Variants in DCLK2 observed in about 807,000 individuals in gnomAD.
DCLK2 encodes the protein doublecortin like kinase 2, also known as serine/threonine-protein kinase DCLK2.
In DCLK2, 31 loss-of-function variants were observed where a neutral mutation model predicts 78.4. The observed-to-expected ratio is 0.40, with a 90% CI of 0.30 to 0.53. The LOEUF (loss-of-function observed/expected upper bound fraction) is 0.53, where lower values mean the gene tolerates loss of function less well. DCLK2 is among the 20% of genes least tolerant of loss of function. The pLI is 0.61. For missense variants in DCLK2, 872 were observed against 973.7 expected, an observed-to-expected ratio of 0.90 and a Z score of 1.39; for synonymous variants, 407 against 374.9, an observed-to-expected ratio of 1.09 and a Z score of -0.99.
chr4:150,218,337 T>G (rs1740904255), intron 5 of DCLK2, among the ~76,000 whole-genome samples: 1 of 152,130 alleles, frequency 6.6e-6, no homozygotes, highest in South Asian at 2.1e-4. Flanking sequence ...ATTACAATGG[T>G]TCACAGGAGC....
At chr4:150,081,610 A>G (rs1444001810) in intron 1 of DCLK2, among the ~76,000 whole-genome samples, 2 of 152,196 alleles carry the variant, frequency 1.3e-5, no homozygotes, top group African/African-American at 4.8e-5. Flanking sequence ...TTTTTTTGTC[A>G]TATGGAACTC....
chr4:150,134,566 T>C (rs909584480), intron 2 of DCLK2, among the ~76,000 whole-genome samples: 2 of 152,236 alleles, frequency 1.3e-5, no homozygotes, highest in Non-Finnish European at 2.9e-5. Flanking sequence ...TGTTAATCTT[T>C]TGGAGATTTT....
At chr4:150,113,602 A>G (rs1332408656) in intron 2 of DCLK2, among the ~76,000 whole-genome samples, 4 of 148,992 alleles carry the variant, frequency 2.7e-5, no homozygotes, top group Non-Finnish European at 4.5e-5. Flanking sequence ...TAATGTTTCT[A>G]TTTTCATTTC....
intron 1 of DCLK2, among the ~76,000 whole-genome samples, chr4:150,081,399 A>G (rs1308893345): frequency 1.3e-5 from 2 of 152,190 alleles, no homozygotes; most frequent in Admixed American, 6.5e-5. Flanking sequence ...TGACTTAACA[A>G]ATTTCCTTCA....
intron 2 of DCLK2, among the ~76,000 whole-genome samples, chr4:150,157,167 GTTT>G (rs34730849): frequency 0.29 from 39,454 of 137,158 alleles, 5,354 homozygotes; most frequent in East Asian, 0.36. Context: ...TTTCTCACCT[GTTT>G]TTTTTTTTTT....
In DCLK2 at chr4:150,256,405, C is replaced by A; in HGVS notation, c.*158C>A. 9.8e-7 allele frequency: 1 copy of A among 1,023,892 alleles called. No homozygotes were observed. The allele number at this position is 1,023,892 out of a possible 1,614,324, so 63.4% of individuals were successfully genotyped here. ...CGCCTGGGAACCGGAGCCTGGCGTG[C>A]CGGAGCCTGGCCTGGTGCTCTGGGC... is the stretch of plus-strand genomic sequence containing the variant. On this transcript the variant is annotated 3_prime_UTR_variant, in exon 16 of 16. Transcript: ENST00000296550.
chr4:150,176,313 C>T (rs1230096777), intron 2 of DCLK2, among the ~76,000 whole-genome samples: 16 of 152,186 alleles, frequency 1.1e-4, no homozygotes, highest in Non-Finnish European at 1.5e-4. Context: ...ACGGCACAGG[C>T]GCAGGCACAG....
At chr4:150,212,664 C>G (rs1467014442) in intron 5 of DCLK2, among the ~76,000 whole-genome samples, 1 of 152,196 alleles carries the variant, frequency 6.6e-6, no homozygotes, top group Non-Finnish European at 1.5e-5. Context: ...ATTGTAGTTG[C>G]TCAGTCAAAT....
At chr4:150,171,403 C>A (rs1008006797) in intron 2 of DCLK2, among the ~76,000 whole-genome samples, 1 of 152,184 alleles carries the variant, frequency 6.6e-6, no homozygotes, top group Non-Finnish European at 1.5e-5. Flanking sequence ...ATGGTGTGAA[C>A]CTGGGAGGCG....
At chr4:150,251,626 T>C (rs1166540867) in intron 15 of DCLK2, among the ~76,000 whole-genome samples, 13 of 10,106 alleles carry the variant, frequency 1.3e-3, no homozygotes, top group Non-Finnish European at 1.3e-3. Context: ...CCCACATACC[T>C]CCACACACCC....
intron 2 of DCLK2, among the ~76,000 whole-genome samples, chr4:150,144,919 T>C (rs960450910): frequency 1.3e-5 from 2 of 152,208 alleles, no homozygotes; most frequent in Admixed American, 6.5e-5. Context: ...ATGATGTTGA[T>C]AATTTGATAG....
Position 150,205,483 on chromosome 4 carries a change from G to A in DCLK2, c.1056+1594G>A, listed in dbSNP as rs114499212. 8.8e-3 allele frequency among the ~76,000 whole-genome samples: 1,343 copies of A among 152,296 alleles called. 15 individuals carry two copies. The highest frequency in any genetic ancestry group is 0.037 in the Middle Eastern group (11 of 294). Reference sequence around the variant, plus strand: ...GGGAGTATCTAGCTCTCACCTACCTGTAATTACTGCAAGTTCCTTATATTT... The same window carrying A: ...GGGAGTATCTAGCTCTCACCTACCTATAATTACTGCAAGTTCCTTATATTT... On this transcript the variant is annotated intron_variant, in intron 5 of 15. Transcript: ENST00000296550.
chr4:150,110,252 A>G (rs1482941856), intron 2 of DCLK2, among the ~76,000 whole-genome samples: 1 of 152,224 alleles, frequency 6.6e-6, no homozygotes, highest in African/African-American at 2.4e-5. Flanking sequence ...TAATGCATGC[A>G]GCATAAAGAT....
intron 2 of DCLK2, among the ~76,000 whole-genome samples, chr4:150,180,025 G>T (rs72732407): frequency 0.12 from 17,574 of 152,112 alleles, 1,610 homozygotes; most frequent in South Asian, 0.44. Flanking sequence ...GTAGAAAAAT[G>T]GTTTGATTAT....
intron 8 of DCLK2, among the ~76,000 whole-genome samples, chr4:150,231,568 A>G (rs1030183854): frequency 6.6e-6 from 1 of 152,208 alleles, no homozygotes; most frequent in Non-Finnish European, 1.5e-5. Context: ...ATCATTGTTC[A>G]TGATTCATGG....
intron 5 of DCLK2, among the ~76,000 whole-genome samples, chr4:150,218,803 TC>T (rs1461310914): frequency 6.6e-6 from 1 of 152,162 alleles, no homozygotes; most frequent in African/African-American, 2.4e-5. Context: ...ATTTTCCACC[TC>T]CCCTGTTACT....
Position 150,248,309 on chromosome 4 carries a change from TAATC to T in DCLK2, c.1882_1885del (p.Ile628ValfsTer6), listed in dbSNP as rs1311295228. On this transcript the variant is annotated frameshift_variant, in exon 14 of 16. Coordinates refer to ENST00000296550, the MANE Select transcript of DCLK2 (RefSeq NM_001040260.4). LOFTEE classifies it high-confidence loss of function. ...GACTTGTTTGTTTATTTGTAGGAAT[TAATC>T]AGTCAAATGCTTCAGGTAAATGTTG... is the stretch of plus-strand genomic sequence containing the variant. The T allele has an allele frequency of 6.2e-7, 1 of 1,613,834 alleles. No individual in the cohort carries two copies. The highest frequency in any genetic ancestry group is 8.5e-7 in the Non-Finnish European group (1 of 1,179,810).
chr4:150,196,160 T>C (rs1739015818), intron 3 of DCLK2, among the ~76,000 whole-genome samples: 1 of 152,180 alleles, frequency 6.6e-6, no homozygotes, highest in African/African-American at 2.4e-5. Context: ...TAAAGGCCCA[T>C]TCAGAATGCA....
chr4:150,148,797 G>A (rs540782687), intron 2 of DCLK2, among the ~76,000 whole-genome samples: 14 of 151,696 alleles, frequency 9.2e-5, no homozygotes, highest in Non-Finnish European at 2.1e-4. Context: ...GTTTCGGAGG[G>A]CAAGGCGGGC....
Sources: allele counts gnomAD v4.1 joint callset (sites outside exome capture counted in the v4.1 genomes callset), GRCh38; gene constraint gnomAD v4.1.1; transcripts MANE v1.5; gene names NCBI Gene and HGNC (gene_info 2026-07-23, HGNC 2026-07-21).